The following THSD4 variants were observed in gnomAD, a reference collection of about 807,000 sequenced individuals.
The protein encoded by THSD4 is thrombospondin type 1 domain containing 4, also known as thrombospondin type-1 domain-containing protein 4.
THSD4 carries 69 observed loss-of-function variants against 119.0 expected under a neutral mutation model. The observed-to-expected ratio is 0.58, with a 90% confidence interval of 0.48 to 0.71. The LOEUF (loss-of-function observed/expected upper bound fraction) is 0.71. THSD4 is among the 30% of genes least tolerant of loss of function. The probability of loss-of-function intolerance (pLI) is 0.00; values close to 1 mark genes in which losing one functional copy is unlikely to be tolerated. For synonymous variants in THSD4, 524 were observed against 540.4 expected (o/e 0.97, Z 0.42); for missense variants, 1,393 against 1,391.1 (o/e 1.00, Z -0.02).
chr15:71,411,140 AT>A (rs2046682107), intron 6 of THSD4, among the ~76,000 whole-genome samples: 1 of 152,322 alleles, frequency 6.6e-6, no homozygotes, highest in East Asian at 1.9e-4. Flanking sequence ...CACCAACGTA[AT>A]TAATTATGAC....
chr15:71,713,447 GC>G (rs754399039), intron 8 of THSD4, among the ~76,000 whole-genome samples: 1 of 152,214 alleles, frequency 6.6e-6, no homozygotes, highest in Non-Finnish European at 1.5e-5. Context: ...AGCAGCTGTT[GC>G]CCCTTGGGGT....
At chr15:71,360,105 C>A (rs558313376) in intron 6 of THSD4, among the ~76,000 whole-genome samples, 1 of 152,210 alleles carries the variant, frequency 6.6e-6, no homozygotes, top group Admixed American at 6.5e-5. Context: ...TGGATTCATC[C>A]GAAGGCTTCT....
At chr15:71,367,497 T>C (rs1382796940) in intron 6 of THSD4, among the ~76,000 whole-genome samples, 1 of 152,230 alleles carries the variant, frequency 6.6e-6, no homozygotes, top group African/African-American at 2.4e-5. Flanking sequence ...AGTGTTCTCA[T>C]TGTTCAATTC....
chr15:71,298,740 G>C (rs1367298829), intron 6 of THSD4, among the ~76,000 whole-genome samples: 2 of 151,432 alleles, frequency 1.3e-5, no homozygotes, highest in South Asian at 4.2e-4. Context: ...AGCCTCCTGA[G>C]TAGCTGGGAC....
At chr15:71,508,732 A>G (rs907001767) in intron 7 of THSD4, among the ~76,000 whole-genome samples, 7 of 152,190 alleles carry the variant, frequency 4.6e-5, no homozygotes, top group African/African-American at 1.4e-4. Context: ...ATGTATATGT[A>G]GTGTATTTTT....
Position 71,765,130 on chromosome 15 carries a change from A to AC in THSD4, c.2706dup (p.Ser903GlnfsTer16), listed in dbSNP as rs762779173. 1.2e-6 allele frequency: 2 copies of AC among 1,613,408 alleles called. No individual in the cohort carries two copies. The highest frequency in any genetic ancestry group is 1.1e-5 in the South Asian group (1 of 91,060). ...CCTCTGAATGTTCTTTCCTGGAGAAACCCCCCAGCCAGCAATCCTGCCACC... is the reference window on the plus strand; with the variant it reads ...CCTCTGAATGTTCTTTCCTGGAGAAACCCCCCCAGCCAGCAATCCTGCCACC... On this transcript the variant is annotated frameshift_variant, in exon 16 of 18. Transcript: ENST00000261862. LOFTEE classifies it high-confidence loss of function.
At chr15:71,650,858 C>T (rs1031277440) in intron 7 of THSD4, among the ~76,000 whole-genome samples, 13 of 152,196 alleles carry the variant, frequency 8.5e-5, no homozygotes, top group African/African-American at 2.9e-4. Flanking sequence ...TGTTGGCACG[C>T]TCTCAGGGTT....
At chr15:71,509,124 T>A (rs191476161) in intron 7 of THSD4, among the ~76,000 whole-genome samples, 2 of 152,204 alleles carry the variant, frequency 1.3e-5, no homozygotes, top group African/African-American at 4.8e-5. Flanking sequence ...GAGGACATGA[T>A]CCCCTTTACC....
chr15:71,467,984 G>A (rs571464832), intron 7 of THSD4, among the ~76,000 whole-genome samples: 1 of 152,046 alleles, frequency 6.6e-6, no homozygotes, highest in Admixed American at 6.5e-5. Context: ...AAGTAACTGG[G>A]ATTACAGGCG....
chr15:71,651,136 A>C (rs930689527), intron 7 of THSD4, among the ~76,000 whole-genome samples: 2 of 152,158 alleles, frequency 1.3e-5, no homozygotes, highest in African/African-American at 4.8e-5. Context: ...TTTCTGCCTC[A>C]AGAACACTAG....
chr15:71,251,286 G>A (rs918984682), intron 5 of THSD4, among the ~76,000 whole-genome samples: 2 of 152,082 alleles, frequency 1.3e-5, no homozygotes, highest in South Asian at 2.1e-4. Flanking sequence ...AAGCAATTAC[G>A]GCTTCTGGAA....
chr15:71,214,409 G>C (rs1190994207), intron 3 of THSD4, among the ~76,000 whole-genome samples: 2 of 152,206 alleles, frequency 1.3e-5, no homozygotes. Context: ...ACACTCAACA[G>C]CGAAGGTCTG....
intron 6 of THSD4, among the ~76,000 whole-genome samples, chr15:71,349,052 A>C (rs1174730460): frequency 6.6e-6 from 1 of 152,234 alleles, no homozygotes; most frequent in South Asian, 2.1e-4. Context: ...TCACAAGTCC[A>C]TGCCATCTGC....
At chr15:71,587,354 C>A (rs963314895) in intron 7 of THSD4, among the ~76,000 whole-genome samples, 16 of 120,552 alleles carry the variant, frequency 1.3e-4, no homozygotes, top group Non-Finnish European at 2.8e-4. Context: ...TTCACAATAG[C>A]AAAGACTTGG....
chr15:71,450,040 A>G (rs2047240836), intron 7 of THSD4, among the ~76,000 whole-genome samples: 1 of 152,242 alleles, frequency 6.6e-6, no homozygotes, highest in Non-Finnish European at 1.5e-5. Flanking sequence ...GTGGACACGG[A>G]TGGCCATAGG....
chr15:71,518,928 A>C (rs1244442713), intron 7 of THSD4, among the ~76,000 whole-genome samples: 1 of 152,246 alleles, frequency 6.6e-6, no homozygotes. Flanking sequence ...TGCCCTGGAG[A>C]GGAAAGACAG....
rs2040760011 is a variant in THSD4 at position 71,154,770 on chromosome 15, C to CAAAAA, written c.30-93_30-92insAAAAA. The CAAAAA allele has an allele frequency of 1.2e-5, 16 of 1,285,866 alleles. No homozygotes were observed. In the South Asian group the frequency reaches 1.8e-4, roughly 14 times the overall value. The allele number at this position is 1,285,866 out of a possible 1,614,324, so 79.7% of individuals were successfully genotyped here. On this transcript the variant is annotated intron_variant, in intron 2 of 17. Coordinates refer to ENST00000261862, the MANE Select transcript of THSD4 (RefSeq NM_024817.3). ...GGGCCTGGGTTGGGCTGTTCCCCCC[C>CAAAAA]CATCCACTGATGAGATGGCGATGCT...
chr15:71,531,142 G>C (rs7167167), intron 7 of THSD4, among the ~76,000 whole-genome samples: 3 of 152,278 alleles, frequency 2.0e-5, no homozygotes, highest in African/African-American at 7.2e-5. Flanking sequence ...AGGGAGACCA[G>C]AGGGTCATAA....
intron 8 of THSD4, among the ~76,000 whole-genome samples, chr15:71,695,934 A>T (rs1213885547): frequency 6.6e-6 from 1 of 152,236 alleles, no homozygotes. Flanking sequence ...TACTTAATTT[A>T]TCTGTAAAAT....
Sources: allele counts gnomAD v4.1 joint callset (sites outside exome capture counted in the v4.1 genomes callset), GRCh38; gene constraint gnomAD v4.1.1; transcripts MANE v1.5; gene names NCBI Gene and HGNC (gene_info 2026-07-23, HGNC 2026-07-21).